Variants in CCDC92 observed in about 807,000 individuals in gnomAD.
CCDC92 encodes the protein coiled-coil domain containing 92.
CCDC92 carries 12 observed loss-of-function variants against 24.9 expected under a neutral mutation model. The observed-to-expected ratio is 0.48, with a 90% CI of 0.31 to 0.78. CCDC92 has a LOEUF of 0.78. CCDC92 is among the 30% of genes least tolerant of loss of function. The probability of loss-of-function intolerance (pLI) is 0.05; values close to 1 mark genes in which losing one functional copy is unlikely to be tolerated. For synonymous variants in CCDC92, 193 were observed against 196.3 expected (o/e 0.98, Z 0.14); for missense variants, 399 against 439.4 (o/e 0.91, Z 0.82).
At chr12:123,965,907 G>T (rs1472384742) in intron 1 of CCDC92, among the ~76,000 whole-genome samples, 1 of 152,174 alleles carries the variant, frequency 6.6e-6, no homozygotes, top group East Asian at 1.9e-4. Context: ...TAAAGACAAC[G>T]AGAGCAGCTT....
chr12:123,971,226 A>G (rs966840560), intron 1 of CCDC92, among the ~76,000 whole-genome samples: 2 of 152,222 alleles, frequency 1.3e-5, no homozygotes, highest in African/African-American at 2.4e-5. Flanking sequence ...GTGTGTATGG[A>G]TATGTACGCA....
chr12:123,939,183 C>T (rs1401287751), intron 4 of CCDC92, among the ~76,000 whole-genome samples: 1 of 152,246 alleles, frequency 6.6e-6, no homozygotes, highest in Non-Finnish European at 1.5e-5. Flanking sequence ...GACCTGCACG[C>T]CCAGTTTCCC....
In CCDC92 at chr12:123,937,611, A is replaced by C; in HGVS notation, c.443T>G (p.Leu148Arg). The C allele has an allele frequency of 4.3e-6, 7 of 1,613,758 alleles. No homozygotes were observed. The highest frequency in any genetic ancestry group is 5.9e-6 in the Non-Finnish European group (7 of 1,180,022). ...GGCGATGGTGCTGGCCCGCTGCTCC[A>C]GCTCGCTAGACAGCAGGGTCAGCTT... ...SHKLTLLSSE[L>R]EQRASTIAYL... The change falls in exon 5 of 5, where the codon CTG becomes CGG. Residue 148 changes from leucine (L) to arginine (R), a missense_variant. Transcript: ENST00000238156. This position sits in a 1 kb window ranked among gnomAD's most constrained non-coding sequence, Gnocchi z 8.4.
At chr12:123,944,977 G>GA (rs1955802055) in intron 1 of CCDC92, 1 of 152,110 alleles carries the variant, frequency 6.6e-6, no homozygotes, top group Admixed American at 6.6e-5. Context: ...TCATCTCTCT[G>GA]AACTAGCAAT....
At chr12:123,961,355 T>C (rs1035324755) in intron 1 of CCDC92, 1 of 152,204 alleles carries the variant, frequency 6.6e-6, no homozygotes, top group Non-Finnish European at 1.5e-5. Flanking sequence ...CTGAAGAGGT[T>C]GGAATTAAAC....
chr12:123,943,495 T>C lies in CCDC92; in HGVS notation c.35-2A>G. On this transcript the variant is annotated splice_acceptor_variant, in intron 2 of 4. Transcript: ENST00000238156. LOFTEE classifies it high-confidence loss of function. ...CTGCCATGCTGACATCCAGAGGACC[T>C]GTGGGTAACACAGACCCTGGCTGCG... 6.2e-7 allele frequency: 1 copy of C among 1,614,118 alleles called. No individual in the cohort carries two copies.
chr12:123,947,104 G>A (rs554489738), intron 1 of CCDC92, among the ~76,000 whole-genome samples: 84 of 152,304 alleles, frequency 5.5e-4, no homozygotes, highest in African/African-American at 1.9e-3. Context: ...TAGCACCCAG[G>A]CCAGCAGCTG....
rs778973926 is a variant in CCDC92, at chr12:123,943,506, C to T, written c.35-13G>A. ...ACATCCAGAGGACCTGTGGGTAACA[C>T]AGACCCTGGCTGCGGTGCCTGAAGA... On this transcript the variant is annotated splice_polypyrimidine_tract_variant and intron_variant, in intron 2 of 4. Coordinates refer to ENST00000238156, the MANE Select transcript of CCDC92 (RefSeq NM_025140.3). 127 of 1,613,762 alleles carry T rather than the reference C, an allele frequency of 7.9e-5. No individual in the cohort carries two copies. Among genetic ancestry groups the T allele is most frequent in the Non-Finnish European group, 1.1e-4 (124 of 1,179,930 alleles).
chr12:123,941,718 A>G (rs1955690887), intron 4 of CCDC92, among the ~76,000 whole-genome samples: 1 of 152,198 alleles, frequency 6.6e-6, no homozygotes, highest in African/African-American at 2.4e-5. Flanking sequence ...ACCATAGTGC[A>G]TGCTCTTCCT....
At chr12:123,963,657 C>T (rs532238674) in intron 1 of CCDC92, among the ~76,000 whole-genome samples, 1 of 152,220 alleles carries the variant, frequency 6.6e-6, no homozygotes, top group African/African-American at 2.4e-5. Context: ...CTAAAGTGAC[C>T]TGAGAAGTGA....
chr12:123,943,229 T>C, intron 3 of CCDC92, 118 bp downstream of exon 3: 5 of 1,096,244 alleles, frequency 4.6e-6, no homozygotes, highest in African/African-American at 3.1e-5. Flanking sequence ...GGCATTCAGA[T>C]GGACTCCTGC....
At chr12:123,967,938 G>C (rs1418327409) in intron 1 of CCDC92, 1 of 152,226 alleles carries the variant, frequency 6.6e-6, no homozygotes, top group Non-Finnish European at 1.5e-5. Context: ...AAGAGCAAAG[G>C]ATAATGGATT....
chr12:123,969,107 C>A (rs145628013), intron 1 of CCDC92, among the ~76,000 whole-genome samples: 1 of 152,270 alleles, frequency 6.6e-6, no homozygotes, highest in Admixed American at 6.5e-5. Context: ...CACTCAGTAG[C>A]CGAATCTTTA....
intron 4 of CCDC92, among the ~76,000 whole-genome samples, chr12:123,939,306 G>C (rs1955615579): frequency 6.6e-6 from 1 of 152,194 alleles, no homozygotes; most frequent in South Asian, 2.1e-4. Context: ...GCTAGCAGCA[G>C]CTCTGCAGCA....
chr12:123,948,335 A>T (rs962284793), intron 1 of CCDC92, among the ~76,000 whole-genome samples: 3 of 152,238 alleles, frequency 2.0e-5, no homozygotes, highest in Non-Finnish European at 4.4e-5. Flanking sequence ...AACAAATTTA[A>T]ATATGATTTA....
chr12:123,962,620 G>C (rs970626936), intron 1 of CCDC92: 2 of 153,830 alleles, frequency 1.3e-5, no homozygotes, highest in African/African-American at 4.8e-5. Context: ...AATTGATGCT[G>C]CGATTCAGAA....
In CCDC92 at chr12:123,942,343, T is replaced by G. The variant is rs537241773; in HGVS notation, c.223+401A>C. 5.9e-5 allele frequency among the ~76,000 whole-genome samples: 9 copies of G among 152,352 alleles called. No individual in the cohort carries two copies. The East Asian group carries it at 1.5e-3, about 26-fold the overall frequency. ...AAGCTGCTGCTCTGTGCCAGGCCCATGCTAGGCGGCAGCGACACGGAGGAG... is the reference window on the plus strand; with the variant it reads ...AAGCTGCTGCTCTGTGCCAGGCCCAGGCTAGGCGGCAGCGACACGGAGGAG... On this transcript the variant is annotated intron_variant, in intron 4 of 4. Coordinates refer to ENST00000238156, the MANE Select transcript of CCDC92 (RefSeq NM_025140.3).
chr12:123,961,602 T>G (rs879813021), intron 1 of CCDC92, among the ~76,000 whole-genome samples: 2 of 152,128 alleles, frequency 1.3e-5, no homozygotes, highest in Admixed American at 6.6e-5. Context: ...AAAGCTAAGT[T>G]TTTACTCAAT....
intron 1 of CCDC92, among the ~76,000 whole-genome samples, chr12:123,961,971 G>A (rs191744777): frequency 4.5e-4 from 68 of 152,248 alleles, no homozygotes; most frequent in Admixed American, 1.6e-3. Flanking sequence ...AAATGCTGCA[G>A]CCCTCTAAAA....
Sources: allele counts gnomAD v4.1 joint callset (sites outside exome capture counted in the v4.1 genomes callset), GRCh38; gene constraint gnomAD v4.1.1; non-coding constraint Gnocchi (gnomAD v3.1); transcripts MANE v1.5; gene names NCBI Gene and HGNC (gene_info 2026-07-23, HGNC 2026-07-21).